Variants in MDFIC2 observed in about 807,000 individuals in gnomAD.
MDFIC2 encodes the protein MyoD family inhibitor domain containing 2, also known as myoD family inhibitor domain-containing protein 2.
At position 70,309,098 on chromosome 3, in the gene MDFIC2, G is replaced by A. The variant is rs114244732; in HGVS notation, c.88+2788C>T. ...GGGGGAGTGAGGGAGGTTGGAGGTC[G>A]ACACATTTAAAATTCTGATTGATAA... On this transcript the variant is annotated intron_variant, in intron 2 of 3. Transcript: ENST00000567252. Among the ~76,000 whole-genome samples the A allele has an allele frequency of 1.5e-3, 227 of 152,160 alleles. 1 individual carries two copies. Among genetic ancestry groups the A allele is most frequent in the African/African-American group, 5.2e-3 (214 of 41,508 alleles).
intron 2 of MDFIC2, among the ~76,000 whole-genome samples, chr3:70,221,017 C>G (rs1369031443): frequency 6.6e-6 from 1 of 152,112 alleles, no homozygotes; most frequent in African/African-American, 2.4e-5. Context: ...GGCTGCTAGT[C>G]TATTTGCTTT....
chr3:70,243,941 T>C (rs941544870), intron 2 of MDFIC2, among the ~76,000 whole-genome samples: 1 of 152,030 alleles, frequency 6.6e-6, no homozygotes. Context: ...GAGGTAAGGG[T>C]CACCTTTTAA....
intron 2 of MDFIC2, among the ~76,000 whole-genome samples, chr3:70,259,919 G>A (rs1049140545): frequency 6.6e-6 from 1 of 152,124 alleles, no homozygotes; most frequent in Non-Finnish European, 1.5e-5. Context: ...GCAGGAAGGA[G>A]AAGTGCCAAG....
intron 2 of MDFIC2, among the ~76,000 whole-genome samples, chr3:70,254,152 C>CAA (rs11375266): frequency 0.02 from 3,031 of 151,788 alleles, 124 homozygotes; most frequent in African/African-American, 0.07. Context: ...TCCAATTACA[C>CAA]AAAAAAAATT....
At chr3:70,280,479 C>T (rs943698185) in intron 2 of MDFIC2, among the ~76,000 whole-genome samples, 6 of 152,158 alleles carry the variant, frequency 3.9e-5, no homozygotes, top group Admixed American at 6.5e-5. Context: ...TCAATACTTT[C>T]ACCCTTGCCT....
intron 2 of MDFIC2, among the ~76,000 whole-genome samples, chr3:70,308,007 C>T (rs989245366): frequency 1.3e-5 from 2 of 152,152 alleles, no homozygotes; most frequent in East Asian, 1.9e-4. Flanking sequence ...TCCTAGACCA[C>T]CTTGGCCCAC....
chr3:70,208,382 C>G (rs536170615), intron 2 of MDFIC2, among the ~76,000 whole-genome samples: 16 of 152,224 alleles, frequency 1.1e-4, no homozygotes, highest in African/African-American at 3.9e-4. Context: ...CTTTATTTCC[C>G]TTTCCAAGGT....
rs1701171158 is a variant in MDFIC2 at position 70,195,828 on chromosome 3, TG to T, written c.*1097del. ...CATTCCAAAGTAACTTTAACCTAGA[TG>T]TGTTTTCACCACAAACTGTTTAAAC... On this transcript the variant is annotated 3_prime_UTR_variant, in exon 4 of 4. Transcript: ENST00000567252. Among the ~76,000 whole-genome samples, 1 of 152,248 alleles carries T rather than the reference TG, an allele frequency of 6.6e-6. No homozygotes were observed.
At chr3:70,203,075 C>A (rs1701257203) in intron 3 of MDFIC2, among the ~76,000 whole-genome samples, 1 of 152,072 alleles carries the variant, frequency 6.6e-6, no homozygotes, top group Non-Finnish European at 1.5e-5. Context: ...CTGAAGCACA[C>A]CTCCTGCTAC....
At chr3:70,261,229 A>C (rs942146761) in intron 2 of MDFIC2, among the ~76,000 whole-genome samples, 4 of 152,218 alleles carry the variant, frequency 2.6e-5, no homozygotes, top group African/African-American at 9.6e-5. Flanking sequence ...CATTCACAAG[A>C]GTCAATCTTG....
intron 2 of MDFIC2, among the ~76,000 whole-genome samples, chr3:70,292,550 T>C (rs1702248715): frequency 6.6e-6 from 1 of 152,184 alleles, no homozygotes; most frequent in South Asian, 2.1e-4. Flanking sequence ...TAAAAAAGGA[T>C]AGTTTATAAA....
chr3:70,298,773 T>C (rs148746843), intron 2 of MDFIC2, among the ~76,000 whole-genome samples: 15 of 152,220 alleles, frequency 9.9e-5, no homozygotes, highest in African/African-American at 3.6e-4. Flanking sequence ...CATCTTCAAG[T>C]AGATTTCAAA....
intron 2 of MDFIC2, among the ~76,000 whole-genome samples, chr3:70,302,413 T>A (rs1446763266): frequency 6.6e-6 from 1 of 152,160 alleles, no homozygotes; most frequent in Non-Finnish European, 1.5e-5. Context: ...AGAAATGGAA[T>A]GTCCTTATTC....
chr3:70,298,805 G>A (rs1702316996), intron 2 of MDFIC2, among the ~76,000 whole-genome samples: 1 of 152,172 alleles, frequency 6.6e-6, no homozygotes, highest in Non-Finnish European at 1.5e-5. Context: ...GATAGAAGAT[G>A]TACTGGATTT....
chr3:70,259,477 G>A (rs180848337), intron 2 of MDFIC2, among the ~76,000 whole-genome samples: 8 of 152,120 alleles, frequency 5.3e-5, no homozygotes, highest in Admixed American at 2.0e-4. Flanking sequence ...GAGGTAGCAC[G>A]CAAGCACTTG....
In MDFIC2 at chr3:70,252,952, C is replaced by A. The variant is rs566542252; in HGVS notation, c.89-46162G>T. 5.9e-5 allele frequency among the ~76,000 whole-genome samples: 9 copies of A among 151,788 alleles called. No individual in the cohort carries two copies. The East Asian group carries it at 1.6e-3, about 26-fold the overall frequency. On this transcript the variant is annotated intron_variant, in intron 2 of 3. Transcript: ENST00000567252. ...AAAATTAGCCGGCTGTGGTGGCAGG[C>A]GCCTGTAATTCCAGCTACTAGGGAG...
chr3:70,209,954 T>C (rs1355397863), intron 2 of MDFIC2, among the ~76,000 whole-genome samples: 1 of 152,140 alleles, frequency 6.6e-6, no homozygotes, highest in Non-Finnish European at 1.5e-5. Flanking sequence ...AAAGAGCTGA[T>C]AGATAACGAG....
chr3:70,309,221 C>G (rs1283826056), intron 2 of MDFIC2, among the ~76,000 whole-genome samples: 1 of 151,926 alleles, frequency 6.6e-6, no homozygotes. Flanking sequence ...ACTTAAGAGC[C>G]CTGCAAATTT....
chr3:70,284,158 A>G (rs11924886), intron 2 of MDFIC2, among the ~76,000 whole-genome samples: 71,687 of 151,950 alleles, frequency 0.47, 17,562 homozygotes, highest in East Asian at 0.81. Context: ...CAAGAGTCAC[A>G]GTGTATTTCA....
Sources: allele counts gnomAD v4.1 joint callset (sites outside exome capture counted in the v4.1 genomes callset), GRCh38; gene constraint gnomAD v4.1.1; transcripts MANE v1.5; gene names NCBI Gene and HGNC (gene_info 2026-07-23, HGNC 2026-07-21).